Variants in SDK1 observed in about 807,000 individuals in gnomAD.
SDK1 encodes protein sidekick-1.
A neutral mutation model predicts 245.5 loss-of-function variants in SDK1; 157 were observed. The observed-to-expected ratio is 0.64, with a 90% CI of 0.56 to 0.73. SDK1 has a LOEUF of 0.73. Ranked by LOEUF, SDK1 falls within the 30% of genes least tolerant of loss-of-function variation. The pLI is 0.00. For missense variants in SDK1, 3,583 were observed against 3,002.3 expected (o/e 1.19, Z -4.52); for synonymous variants, 1,647 against 1,278.5 (o/e 1.29, Z -6.15).
At chr7:3,630,716 T>G (rs554029587) in intron 2 of SDK1, among the ~76,000 whole-genome samples, 2 of 152,154 alleles carry the variant, frequency 1.3e-5, no homozygotes, top group Non-Finnish European at 2.9e-5. Context: ...GTCTTTACAC[T>G]GAAAACTACA....
intron 1 of SDK1, among the ~76,000 whole-genome samples, chr7:3,536,871 C>T (rs1331316072): frequency 1.3e-5 from 2 of 152,088 alleles, no homozygotes; most frequent in Non-Finnish European, 2.9e-5. Context: ...AAGTACCATG[C>T]TATTATGAAG....
chr7:3,325,064 G>A (rs1410164994), intron 1 of SDK1, among the ~76,000 whole-genome samples: 3 of 152,024 alleles, frequency 2.0e-5, no homozygotes, highest in South Asian at 4.2e-4. Context: ...GTTACCAAAA[G>A]CATCCTAGGT....
chr7:3,831,955 G>A (rs1370326196), intron 5 of SDK1, among the ~76,000 whole-genome samples: 1 of 152,060 alleles, frequency 6.6e-6, no homozygotes, highest in Non-Finnish European at 1.5e-5. Context: ...GAAGGGTGAG[G>A]TAGGAGGATC....
chr7:3,656,156 C>G (rs532203980), intron 4 of SDK1, among the ~76,000 whole-genome samples: 1 of 152,246 alleles, frequency 6.6e-6, no homozygotes, highest in African/African-American at 2.4e-5. Context: ...ATTTTCAGCC[C>G]TTGGTTGGTG....
intron 38 of SDK1, among the ~76,000 whole-genome samples, chr7:4,215,692 T>C (rs1784757763): frequency 6.6e-6 from 1 of 152,108 alleles, no homozygotes; most frequent in Admixed American, 6.6e-5. Context: ...AGCCACTCGG[T>C]TTTGGAGTGG....
chr7:3,822,876 T>A (rs996262856), intron 5 of SDK1, among the ~76,000 whole-genome samples: 4 of 151,496 alleles, frequency 2.6e-5, no homozygotes, highest in Non-Finnish European at 5.9e-5. Flanking sequence ...ATTGCCTGGG[T>A]GAATCTTTGT....
chr7:4,062,958 G>A (rs1418511151), intron 19 of SDK1, among the ~76,000 whole-genome samples: 2 of 152,070 alleles, frequency 1.3e-5, no homozygotes, highest in Non-Finnish European at 2.9e-5. Context: ...ACATACCTCA[G>A]TATGATAAAG....
At chr7:4,132,460 G>A (rs761910951) in intron 28 of SDK1, 37 bp downstream of exon 28, 80 of 1,480,014 alleles carry the variant, frequency 5.4e-5, no homozygotes, top group Non-Finnish European at 6.6e-5. Context: ...GGTGGCTCAG[G>A]CCTGTCATCC....
intron 25 of SDK1, among the ~76,000 whole-genome samples, chr7:4,118,239 A>G (rs1302379525): frequency 6.6e-6 from 1 of 152,198 alleles, no homozygotes; most frequent in Admixed American, 6.5e-5. Flanking sequence ...AAAAAGACAA[A>G]TGACCCAGTT....
intron 32 of SDK1, among the ~76,000 whole-genome samples, chr7:4,162,772 CTTG>C (rs1203658015): frequency 1.3e-5 from 2 of 152,182 alleles, no homozygotes; most frequent in African/African-American, 4.8e-5. Flanking sequence ...TCACACACTC[CTTG>C]TTGGGCCTGC....
intron 2 of SDK1, among the ~76,000 whole-genome samples, chr7:3,619,645 C>T (rs1380444030): frequency 6.6e-6 from 1 of 152,170 alleles, no homozygotes; most frequent in African/African-American, 2.4e-5. Context: ...GAGTAGTCAG[C>T]AAAAGTCTTT....
chr7:4,111,103 A>T (rs1257485253), intron 23 of SDK1, among the ~76,000 whole-genome samples: 1 of 152,136 alleles, frequency 6.6e-6, no homozygotes, highest in Non-Finnish European at 1.5e-5. Flanking sequence ...AAACTCCACA[A>T]CCTGTTGGGA....
chr7:3,924,357 T>A (rs1779696904), intron 5 of SDK1, among the ~76,000 whole-genome samples: 1 of 152,146 alleles, frequency 6.6e-6, no homozygotes, highest in Non-Finnish European at 1.5e-5. Context: ...TTGGAAGACA[T>A]CAAATTGTGT....
At chr7:4,019,853 G>A (rs1786734032) in intron 17 of SDK1, among the ~76,000 whole-genome samples, 1 of 152,156 alleles carries the variant, frequency 6.6e-6, no homozygotes, top group Admixed American at 6.5e-5. Flanking sequence ...TTATACAGAT[G>A]TGGATGGCCC....
At chr7:3,826,320 T>C (rs1480153914) in intron 5 of SDK1, among the ~76,000 whole-genome samples, 1 of 152,252 alleles carries the variant, frequency 6.6e-6, no homozygotes, top group African/African-American at 2.4e-5. Context: ...CCGTCTTTAC[T>C]TGACGTCTCA....
chr7:4,044,036 C>T (rs923950183), intron 17 of SDK1, among the ~76,000 whole-genome samples: 2 of 152,142 alleles, frequency 1.3e-5, no homozygotes, highest in Admixed American at 6.5e-5. Flanking sequence ...TCATCTATTG[C>T]TGCCTAACTG....
intron 1 of SDK1, among the ~76,000 whole-genome samples, chr7:3,340,767 A>C (rs1350548805): frequency 3.6e-5 from 1 of 28,072 alleles, no homozygotes; most frequent in Admixed American, 2.6e-4. Flanking sequence ...ACCCCGTCTC[A>C]AAAAAAAAAA....
chr7:4,141,230 A>T (rs1340159882), intron 28 of SDK1, among the ~76,000 whole-genome samples: 1 of 152,252 alleles, frequency 6.6e-6, no homozygotes, highest in Non-Finnish European at 1.5e-5. Flanking sequence ...GGCAGGGCTC[A>T]CCTTGGAGGA....
intron 14 of SDK1, 144 bp downstream of exon 14, chr7:3,987,466 GC>G (rs1783949379): frequency 1.2e-6 from 1 of 851,036 alleles, no homozygotes; most frequent in Admixed American, 2.4e-5. Flanking sequence ...AACACAGCCT[GC>G]CCTTTAGGAA....
Sources: allele counts gnomAD v4.1 joint callset (sites outside exome capture counted in the v4.1 genomes callset), GRCh38; gene constraint gnomAD v4.1.1; transcripts MANE v1.5; gene names NCBI Gene and HGNC (gene_info 2026-07-23, HGNC 2026-07-21).